Variants in ATP6V0E1 observed in about 807,000 individuals in gnomAD.
ATP6V0E1 encodes ATPase H+ transporting V0 subunit e1.
In ATP6V0E1, 4 loss-of-function variants were observed where a neutral mutation model predicts 11.6. The observed-to-expected ratio is 0.35, with a 90% confidence interval of 0.17 to 0.79. The LOEUF (loss-of-function observed/expected upper bound fraction) is 0.79. ATP6V0E1 is among the 30% of genes least tolerant of loss of function. ATP6V0E1 has a pLI of 0.54. For synonymous variants in ATP6V0E1, 36 were observed against 34.8 expected (o/e 1.04, Z -0.13); for missense variants, 105 against 100.0 (o/e 1.05, Z -0.21).
chr5:173,020,163 T>A, intron 2 of ATP6V0E1, 75 bp from the exon 3 acceptor site: 3 of 1,254,418 alleles, frequency 2.4e-6, no homozygotes, highest in Non-Finnish European at 3.5e-6. Context: ...GTGTACTTTT[T>A]CCATGCTAAT....
At chr5:172,999,438 C>T (rs952357287) in intron 2 of ATP6V0E1, among the ~76,000 whole-genome samples, 8 of 152,122 alleles carry the variant, frequency 5.3e-5, no homozygotes, top group African/African-American at 1.9e-4. Flanking sequence ...ATCTTCCTGC[C>T]TCAGCCTCCT....
chr5:173,007,390 T>C (rs545054006), intron 2 of ATP6V0E1, among the ~76,000 whole-genome samples: 2 of 152,294 alleles, frequency 1.3e-5, no homozygotes, highest in South Asian at 2.1e-4. Context: ...TGGCTATTAG[T>C]TGGGACCACT....
At chr5:173,018,411 A>AGAGGTGGAGGAGGTGGAAAGG (rs780674029) in intron 2 of ATP6V0E1, among the ~76,000 whole-genome samples, 1 of 152,164 alleles carries the variant, frequency 6.6e-6, no homozygotes, top group East Asian at 1.9e-4. Context: ...TAGAGGCAGA[A>AGAGGTGGAGGAGGTGGAAAGG]GAGGTGGAGG....
At chr5:173,012,279 G>A (rs188279574) in intron 2 of ATP6V0E1, among the ~76,000 whole-genome samples, 4 of 151,464 alleles carry the variant, frequency 2.6e-5, no homozygotes, top group East Asian at 3.9e-4. Context: ...TGATCCGCCC[G>A]CCTTGGCCTC....
rs1043220355 is a variant in ATP6V0E1, at chr5:173,024,846, C to A, written c.*36+4479C>A. ...ATTTTATTTTATTTTTTTCTTTTTT[C>A]TTTTTTTTTTTTTTTGAGACAGAAT... On this transcript the variant is annotated intron_variant, in intron 3 of 3. Coordinates refer to ENST00000519374, the MANE Select transcript of ATP6V0E1 (RefSeq NM_003945.4). 2.9e-5 allele frequency among the ~76,000 whole-genome samples: 4 copies of A among 136,218 alleles called. No individual in the cohort carries two copies. The Admixed American group carries it at 3.0e-4, about 10-fold the overall frequency. 89.4% of individuals were successfully genotyped at this position (136,218 alleles called of 152,430 possible).
chr5:172,988,576 T>TA (rs35927953), intron 1 of ATP6V0E1, among the ~76,000 whole-genome samples: 1 of 152,286 alleles, frequency 6.6e-6, no homozygotes, highest in African/African-American at 2.4e-5. Context: ...GTGGGGATTT[T>TA]AAAAAAAGGA....
At chr5:173,014,160 TAA>T (rs757466248) in intron 2 of ATP6V0E1, among the ~76,000 whole-genome samples, 38 of 67,796 alleles carry the variant, frequency 5.6e-4, no homozygotes, top group Admixed American at 8.6e-4. Context: ...GACTCCATCT[TAA>T]AAAAAAAAAA....
At chr5:173,024,104 A>G (rs1756521587) in intron 3 of ATP6V0E1, among the ~76,000 whole-genome samples, 1 of 146,956 alleles carries the variant, frequency 6.8e-6, no homozygotes, top group Admixed American at 6.8e-5. Context: ...AAGCTGAGGT[A>G]GGAGAATGGC....
rs1756586903 is a variant in ATP6V0E1 at position 173,027,838 on chromosome 5, G to T, written c.*37-6561G>T. On this transcript the variant is annotated intron_variant, in intron 3 of 3. Transcript: ENST00000519374. ...TCAACTGTAGTGAGTGTTAGGTAAGGCTGTTGATTGGGGTTCAAAGCTGAG... is the reference window on the plus strand; with the variant it reads ...TCAACTGTAGTGAGTGTTAGGTAAGTCTGTTGATTGGGGTTCAAAGCTGAG... 2.6e-5 allele frequency among the ~76,000 whole-genome samples: 4 copies of T among 152,132 alleles called. No homozygotes were observed. In the South Asian group the frequency reaches 8.3e-4, roughly 32 times the overall value.
intron 3 of ATP6V0E1, among the ~76,000 whole-genome samples, chr5:173,034,073 A>G (rs1251199513): frequency 6.6e-6 from 1 of 152,186 alleles, no homozygotes; most frequent in African/African-American, 2.4e-5. Context: ...TATAAGAGGG[A>G]AGGGAAAAAT....
In ATP6V0E1 at chr5:172,983,968, A is replaced by G. The variant is rs749613765; in HGVS notation, c.104+4A>G. The G allele has an allele frequency of 6.2e-7, 1 of 1,612,064 alleles. No homozygotes were observed. Among genetic ancestry groups the G allele is most frequent in the South Asian group, 1.1e-5 (1 of 91,008 alleles). On this transcript the variant is annotated splice_donor_region_variant and intron_variant, in intron 1 of 3. Coordinates refer to ENST00000519374, the MANE Select transcript of ATP6V0E1 (RefSeq NM_003945.4). ...TCCCTAAGGGTCCTAACCGGGGGTA[A>G]GTGCGTGAGGCCCGCCTTGGGAGGA...
chr5:173,014,044 C>T (rs1421907880), intron 2 of ATP6V0E1, among the ~76,000 whole-genome samples: 1 of 151,564 alleles, frequency 6.6e-6, no homozygotes, highest in Non-Finnish European at 1.5e-5. Flanking sequence ...GGTTGTAATC[C>T]CAGCTACTCC....
chr5:172,996,708 G>A (rs998853961), intron 2 of ATP6V0E1, among the ~76,000 whole-genome samples: 2 of 152,112 alleles, frequency 1.3e-5, no homozygotes, highest in Admixed American at 1.3e-4. Context: ...AGAAGCATCT[G>A]TCTTCAAAGG....
intron 2 of ATP6V0E1, among the ~76,000 whole-genome samples, chr5:172,999,497 A>G (rs1561769791): frequency 6.6e-6 from 1 of 152,058 alleles, no homozygotes; most frequent in South Asian, 2.1e-4. Context: ...CTAATTTTTT[A>G]AATTTTTAGT....
rs181667166 is a variant in ATP6V0E1 at position 173,014,038 on chromosome 5, G to T, written c.153-6200G>T. ...AATTAGCTGGGTGTGGTGGTAGGTT[G>T]TAATCCCAGCTACTCCTGAGGCTGA... On this transcript the variant is annotated intron_variant, in intron 2 of 3. Coordinates refer to ENST00000519374, the MANE Select transcript of ATP6V0E1 (RefSeq NM_003945.4). Among the ~76,000 whole-genome samples the T allele has an allele frequency of 5.2e-3, 786 of 151,942 alleles. 10 individuals carry two copies. Among genetic ancestry groups the T allele is most frequent in the African/African-American group, 0.018 (733 of 41,476 alleles).
At chr5:172,991,205 G>A (rs1171646934) in intron 1 of ATP6V0E1, among the ~76,000 whole-genome samples, 1 of 152,132 alleles carries the variant, frequency 6.6e-6, no homozygotes, top group Non-Finnish European at 1.5e-5. Context: ...CCTAGACTCA[G>A]TCATTGTTTA....
intron 3 of ATP6V0E1, among the ~76,000 whole-genome samples, chr5:173,030,587 T>A (rs914504181): frequency 1.3e-5 from 2 of 151,686 alleles, no homozygotes; most frequent in African/African-American, 2.4e-5. Context: ...ATTACAGGAA[T>A]GTGCCACCAT....
At position 172,983,836 on chromosome 5, in the gene ATP6V0E1, A is replaced by C. The variant is rs200271343; in HGVS notation, c.-25A>C. ...TGGGATCCGAGTGAGGCGACGGGGT[A>C]GGGGTTGGCGCTCAGGCGGCGACCA... On this transcript the variant is annotated 5_prime_UTR_variant, in exon 1 of 4. Coordinates refer to ENST00000519374, the MANE Select transcript of ATP6V0E1 (RefSeq NM_003945.4). 2.6e-5 allele frequency: 41 copies of C among 1,598,946 alleles called. No homozygotes were observed. The Admixed American group carries it at 6.0e-4, about 23-fold the overall frequency.
intron 1 of ATP6V0E1, among the ~76,000 whole-genome samples, chr5:172,984,403 C>G (rs1482130965): frequency 6.6e-6 from 1 of 152,148 alleles, no homozygotes; most frequent in East Asian, 1.9e-4. Flanking sequence ...CCCATGCTGT[C>G]GCGGTTGCGT....
Sources: gnomAD v4.1 joint callset for allele counts (sites outside exome capture counted in the v4.1 genomes callset) on GRCh38, gnomAD v4.1.1 for gene constraint, MANE v1.5 for transcripts, NCBI Gene and HGNC (gene_info 2026-07-23, HGNC 2026-07-21) for gene names.